Variants in KCNAB1 observed in about 807,000 individuals in gnomAD.
The protein encoded by KCNAB1 is potassium voltage-gated channel subfamily A regulatory beta subunit 1.
In KCNAB1, 35 loss-of-function variants were observed where a neutral mutation model predicts 64.6. That is an observed-to-expected ratio of 0.54 (90% confidence interval 0.41 to 0.72). KCNAB1 has a LOEUF of 0.72. Ranked by LOEUF, KCNAB1 falls within the 30% of genes least tolerant of loss-of-function variation. KCNAB1 has a pLI of 0.00. For missense variants in KCNAB1, 401 were observed against 512.9 expected, an observed-to-expected ratio of 0.78 and a Z score of 2.11; for synonymous variants, 177 against 183.8, an observed-to-expected ratio of 0.96 and a Z score of 0.30.
Position 156,224,867 on chromosome 3 carries a change from G to T in KCNAB1, c.275+103981G>T, listed in dbSNP as rs187521959. Among the ~76,000 whole-genome samples, 28 of 152,248 alleles carry T rather than the reference G, an allele frequency of 1.8e-4. 1 individual carries two copies. The East Asian group carries it at 5.2e-3, about 28-fold the overall frequency. On this transcript the variant is annotated intron_variant, in intron 1 of 13. Transcript: ENST00000490337. ...GGAGAAATAACCTCCTGGATTAAATGAGGAAGATATAAAATCTCTGAACAT... is the reference window on the plus strand; with the variant it reads ...GGAGAAATAACCTCCTGGATTAAATTAGGAAGATATAAAATCTCTGAACAT...
chr3:156,393,381 C>T (rs1449585475), intron 1 of KCNAB1, among the ~76,000 whole-genome samples: 1 of 152,092 alleles, frequency 6.6e-6, no homozygotes, highest in Non-Finnish European at 1.5e-5. Context: ...CTAGCCACAC[C>T]CTCTCTTCAG....
At chr3:156,461,963 C>T (rs1328048771) in intron 5 of KCNAB1, among the ~76,000 whole-genome samples, 2 of 152,220 alleles carry the variant, frequency 1.3e-5, no homozygotes, top group Non-Finnish European at 2.9e-5. Flanking sequence ...CTGGTCCTGG[C>T]GCTACCACTT....
chr3:156,269,559 G>A (rs1018621468), intron 1 of KCNAB1, among the ~76,000 whole-genome samples: 6 of 152,038 alleles, frequency 3.9e-5, no homozygotes, highest in Non-Finnish European at 1.5e-5. Context: ...TGATTTTTTT[G>A]TTCTAGATGA....
At chr3:156,404,739 G>C (rs1275779544) in intron 1 of KCNAB1, among the ~76,000 whole-genome samples, 1 of 152,196 alleles carries the variant, frequency 6.6e-6, no homozygotes, top group Admixed American at 6.5e-5. Flanking sequence ...TAAAGTCAGA[G>C]GTCCTTGCTG....
At position 156,536,813 on chromosome 3, in the gene KCNAB1, T is replaced by C. The variant is rs1576990638; in HGVS notation, c.*66T>C. The C allele has an allele frequency of 9.1e-7, 1 of 1,094,850 alleles. No homozygotes were observed. Among genetic ancestry groups the C allele is most frequent in the East Asian group, 2.4e-5 (1 of 42,462 alleles). 67.8% of individuals were successfully genotyped at this position (1,094,850 alleles called of 1,614,324 possible). A position where few individuals can be genotyped will look rare whatever the true frequency, so the allele number is the denominator to read the frequency against. On this transcript the variant is annotated 3_prime_UTR_variant, in exon 14 of 14. Coordinates refer to ENST00000490337, the MANE Select transcript of KCNAB1 (RefSeq NM_172160.3). ...GGCCTGTGCCCAGTACAGAAAGGTG[T>C]TACTAACCAGTCTTTTGAATCACTT...
chr3:156,535,269 G>A (rs529621120), intron 13 of KCNAB1, among the ~76,000 whole-genome samples: 2 of 152,184 alleles, frequency 1.3e-5, no homozygotes, highest in Non-Finnish European at 2.9e-5. Flanking sequence ...CAGCAGGATT[G>A]CAACAAAGGA....
In KCNAB1 at chr3:156,452,735, G is replaced by GACTAGACCA; in HGVS notation, c.320-154_320-146dup. On this transcript the variant is annotated intron_variant, in intron 2 of 13. Transcript: ENST00000490337. The surrounding 1 kb of genome is among the most constrained non-coding windows in gnomAD (Gnocchi z 4.6). ...TGGAATACTTAGTGAGAAGAAGACA[G>GACTAGACCA]ACTAGACCAACTAGACCACAGCCCA... Among the ~76,000 whole-genome samples the GACTAGACCA allele has an allele frequency of 6.6e-6, 1 of 152,290 alleles. No individual in the cohort carries two copies. The highest frequency in any genetic ancestry group is 2.1e-4 in the South Asian group (1 of 4,826).
At chr3:156,158,066 G>A (rs915598589) in intron 1 of KCNAB1, among the ~76,000 whole-genome samples, 1 of 151,570 alleles carries the variant, frequency 6.6e-6, no homozygotes, top group Non-Finnish European at 1.5e-5. Context: ...TGGGAAGGCT[G>A]AGGCAGGAGA....
At chr3:156,348,545 G>A (rs1724651597) in intron 1 of KCNAB1, among the ~76,000 whole-genome samples, 1 of 152,154 alleles carries the variant, frequency 6.6e-6, no homozygotes, top group African/African-American at 2.4e-5. Context: ...AAAGGAACAG[G>A]TTTTGGAGGA....
chr3:156,449,812 C>T (rs971468299), intron 2 of KCNAB1, among the ~76,000 whole-genome samples: 1 of 152,104 alleles, frequency 6.6e-6, no homozygotes, highest in Non-Finnish European at 1.5e-5. Context: ...CGGAGAGAAG[C>T]TCACAAATGA....
At chr3:156,165,217 G>T (rs1048236792) in intron 1 of KCNAB1, among the ~76,000 whole-genome samples, 5 of 137,176 alleles carry the variant, frequency 3.6e-5, no homozygotes, top group African/African-American at 1.4e-4. Context: ...GGCGGAGCTT[G>T]CAGTGAGCCG....
intron 1 of KCNAB1, chr3:156,291,037 A>G: frequency 1.0e-6 from 1 of 985,726 alleles, no homozygotes; most frequent in Non-Finnish European, 1.2e-6. Context: ...GCCTTCCCCC[A>G]GTTCCAACTG....
rs563823058 is a variant in KCNAB1, at chr3:156,407,770, C to T, written c.276-13846C>T. On this transcript the variant is annotated intron_variant, in intron 1 of 13. Transcript: ENST00000490337. ...ACACCCCACAAGCTGTGAACATGAT[C>T]TCTTCCAGCCACATTGCTCTTCCTA... Among the ~76,000 whole-genome samples, 11 of 152,338 alleles carry T rather than the reference C, an allele frequency of 7.2e-5. 1 individual carries two copies. In the South Asian group the frequency reaches 2.3e-3, roughly 32 times the overall value.
chr3:156,269,868 A>G (rs920006715), intron 1 of KCNAB1, among the ~76,000 whole-genome samples: 3 of 146,652 alleles, frequency 2.0e-5, no homozygotes, highest in East Asian at 2.0e-4. Context: ...GTATGTCTTT[A>G]TATATGAAGT....
chr3:156,118,279 A>G, upstream of KCNAB1: 1 of 452,074 alleles, frequency 2.2e-6, no homozygotes, highest in Non-Finnish European at 4.4e-6. Context: ...TTGTCTGGAA[A>G]CTCAGCTGGG....
At chr3:156,154,402 A>G (rs1715596982) in intron 1 of KCNAB1, among the ~76,000 whole-genome samples, 1 of 152,062 alleles carries the variant, frequency 6.6e-6, no homozygotes. Context: ...ATCTTATTAC[A>G]GGAGGGGTCA....
chr3:156,205,132 G>A (rs1714576901), intron 1 of KCNAB1, among the ~76,000 whole-genome samples: 1 of 152,092 alleles, frequency 6.6e-6, no homozygotes, highest in African/African-American at 2.4e-5. Context: ...GGGTAAAGAA[G>A]GGATTCTTAG....
intron 1 of KCNAB1, among the ~76,000 whole-genome samples, chr3:156,125,136 CAA>C (rs563938669): frequency 6.0e-5 from 8 of 132,538 alleles, no homozygotes; most frequent in South Asian, 2.4e-4. Context: ...ACACTCCACT[CAA>C]AAAAAAAAAA....
Position 156,482,751 on chromosome 3 carries a change from T to C in KCNAB1, c.658+7931T>C, listed in dbSNP as rs575319179. The stretch of plus-strand genomic sequence containing the variant: ...TGCTCTATAGGGTTATTGTGAGGAT[T>C]ATTTGAGATAATATACACAAAATGC... On this transcript the variant is annotated intron_variant, in intron 8 of 13. Coordinates refer to ENST00000490337, the MANE Select transcript of KCNAB1 (RefSeq NM_172160.3). Among the ~76,000 whole-genome samples the C allele has an allele frequency of 6.6e-5, 10 of 152,224 alleles. No individual in the cohort carries two copies. The South Asian group carries it at 2.1e-3, about 32-fold the overall frequency.
Sources: gnomAD v4.1 joint callset for allele counts (sites outside exome capture counted in the v4.1 genomes callset) on GRCh38, gnomAD v4.1.1 for gene constraint, Gnocchi (gnomAD v3.1) non-coding constraint, MANE v1.5 for transcripts, NCBI Gene and HGNC (gene_info 2026-07-23, HGNC 2026-07-21) for gene names.